HIBADH: variants seen among roughly 807,000 people sequenced by gnomAD.
HIBADH encodes the protein 3-hydroxyisobutyrate dehydrogenase, also known as 3-hydroxyisobutyrate dehydrogenase, mitochondrial.
HIBADH carries 25 observed loss-of-function variants against 36.1 expected under a neutral mutation model. The ratio of observed to expected loss-of-function variants is 0.69; its 90% confidence interval spans 0.50 to 0.97. The LOEUF is 0.97. Among genes scored for constraint, HIBADH ranks in the 50% least tolerant of loss-of-function variants. The probability of loss-of-function intolerance (pLI) is 0.00; values close to 1 mark genes in which losing one functional copy is unlikely to be tolerated. For missense variants in HIBADH, 421 were observed against 418.0 expected, an observed-to-expected ratio of 1.01 and a Z score of -0.06; for synonymous variants, 160 against 149.5, an observed-to-expected ratio of 1.07 and a Z score of -0.51.
chr7:27,559,174 T>C (rs1249252056), intron 4 of HIBADH, among the ~76,000 whole-genome samples: 2 of 152,202 alleles, frequency 1.3e-5, no homozygotes, highest in Non-Finnish European at 2.9e-5. Flanking sequence ...AGAACAATCA[T>C]ATTAAATTAA....
intron 4 of HIBADH, among the ~76,000 whole-genome samples, chr7:27,576,816 G>A (rs1319140663): frequency 6.6e-6 from 1 of 152,144 alleles, no homozygotes; most frequent in Non-Finnish European, 1.5e-5. Flanking sequence ...GGGGCTGGGT[G>A]TTTGGGGTAT....
chr7:27,620,163 T>G (rs1292554029), intron 4 of HIBADH, among the ~76,000 whole-genome samples: 1 of 151,884 alleles, frequency 6.6e-6, no homozygotes, highest in African/African-American at 2.4e-5. Context: ...CTACAAAACT[T>G]TTAAATTAGC....
intron 4 of HIBADH, among the ~76,000 whole-genome samples, chr7:27,558,390 C>T (rs1295800447): frequency 1.3e-5 from 2 of 152,106 alleles, no homozygotes; most frequent in Non-Finnish European, 2.9e-5. Flanking sequence ...TGTGGTGGTA[C>T]AATCTCGACT....
At chr7:27,618,027 G>C (rs1435689097) in intron 4 of HIBADH, among the ~76,000 whole-genome samples, 2 of 152,258 alleles carry the variant, frequency 1.3e-5, no homozygotes, top group African/African-American at 4.8e-5. Context: ...AGAGCTCCCT[G>C]TCTGGGGCTG....
rs1159211824 is a variant in HIBADH at position 27,662,828 on chromosome 7, T to C, written c.-40A>G. ...TCTCCCCGCGGTGACCTCCGCCGCC[T>C]CCCGGAGGGCCCACAGACTGCGAGC... is the stretch of plus-strand genomic sequence containing the variant. On this transcript the variant is annotated 5_prime_UTR_variant, in exon 1 of 8. Coordinates refer to ENST00000265395, the MANE Select transcript of HIBADH (RefSeq NM_152740.4). 6 of 1,412,042 alleles carry C rather than the reference T, an allele frequency of 4.2e-6. No individual in the cohort carries two copies. In the African/African-American group the frequency reaches 9.0e-5, roughly 21 times the overall value. 87.5% of individuals were successfully genotyped at this position (1,412,042 alleles called of 1,614,324 possible).
chr7:27,654,959 G>A (rs993080543), intron 1 of HIBADH, among the ~76,000 whole-genome samples: 2 of 152,104 alleles, frequency 1.3e-5, no homozygotes, highest in Non-Finnish European at 2.9e-5. Flanking sequence ...AGTTCTAGGA[G>A]CGCAGGCGTG....
intron 4 of HIBADH, among the ~76,000 whole-genome samples, chr7:27,580,765 T>C (rs191928716): frequency 6.6e-6 from 1 of 152,342 alleles, no homozygotes; most frequent in Admixed American, 6.5e-5. Context: ...GGAGTTTACA[T>C]TCTAGCAGAG....
At chr7:27,574,207 T>TGAAA in intron 4 of HIBADH, among the ~76,000 whole-genome samples, 1 of 150,896 alleles carries the variant, frequency 6.6e-6, no homozygotes, top group Non-Finnish European at 1.5e-5. Context: ...TCTTTAGAAA[T>TGAAA]TAGATAGTTG....
intron 4 of HIBADH, among the ~76,000 whole-genome samples, chr7:27,575,413 CAGAAAATAAGAAT>C (rs1280478034): frequency 6.6e-6 from 1 of 152,070 alleles, no homozygotes; most frequent in African/African-American, 2.4e-5. Context: ...AAAGAAGTAG[CAGAAAATAAGAAT>C]GGAAAAGTAA....
intron 4 of HIBADH, among the ~76,000 whole-genome samples, chr7:27,580,775 GT>G (rs1784776103): frequency 6.6e-6 from 1 of 152,202 alleles, no homozygotes; most frequent in African/African-American, 2.4e-5. Context: ...TTCTAGCAGA[GT>G]GGTTCTCAAT....
chr7:27,585,261 GTGTATGTA>G (rs35914219), intron 4 of HIBADH, among the ~76,000 whole-genome samples: 3 of 150,930 alleles, frequency 2.0e-5, no homozygotes, highest in Admixed American at 6.6e-5. Context: ...ATACACACGT[GTGTATGTA>G]TGTGTATGTA....
At chr7:27,577,312 C>T (rs1207024393) in intron 4 of HIBADH, among the ~76,000 whole-genome samples, 1 of 150,786 alleles carries the variant, frequency 6.6e-6, no homozygotes, top group East Asian at 2.0e-4. Flanking sequence ...TACAGGCATG[C>T]GCCACCACAC....
At chr7:27,643,283 T>C (rs1009068843) in intron 2 of HIBADH, among the ~76,000 whole-genome samples, 3 of 152,198 alleles carry the variant, frequency 2.0e-5, no homozygotes, top group Admixed American at 6.5e-5. Flanking sequence ...CAATAAAAAG[T>C]AACTTTTCTT....
chr7:27,625,201 C>T (rs116511973), intron 4 of HIBADH, among the ~76,000 whole-genome samples: 140 of 152,214 alleles, frequency 9.2e-4, no homozygotes, highest in African/African-American at 3.0e-3. Context: ...TGACATAAGG[C>T]TACACGTGTC....
chr7:27,583,014 A>G (rs1031001012), intron 4 of HIBADH, among the ~76,000 whole-genome samples: 5 of 152,148 alleles, frequency 3.3e-5, no homozygotes, highest in Non-Finnish European at 7.4e-5. Context: ...CCTAGTACTT[A>G]GTGTATAATC....
At chr7:27,545,964 T>C (rs1480477884) in intron 4 of HIBADH, among the ~76,000 whole-genome samples, 1 of 152,196 alleles carries the variant, frequency 6.6e-6, no homozygotes, top group Non-Finnish European at 1.5e-5. Context: ...TATATTTTGT[T>C]TTGGGGATGT....
chr7:27,606,100 T>C (rs1425949542), intron 4 of HIBADH, among the ~76,000 whole-genome samples: 1 of 152,010 alleles, frequency 6.6e-6, no homozygotes, highest in Non-Finnish European at 1.5e-5. Flanking sequence ...TTAAACATCA[T>C]AAAACATTTT....
At chr7:27,563,695 A>G (rs912098593) in intron 4 of HIBADH, among the ~76,000 whole-genome samples, 2 of 151,896 alleles carry the variant, frequency 1.3e-5, no homozygotes, top group Non-Finnish European at 2.9e-5. Flanking sequence ...CCAACCATGT[A>G]TTTTCTTTGG....
chr7:27,542,157 T>C (rs1784160414), intron 5 of HIBADH, among the ~76,000 whole-genome samples: 2 of 152,322 alleles, frequency 1.3e-5, no homozygotes, highest in Admixed American at 1.3e-4. Context: ...TTTTTCTTAA[T>C]GTTTTTGATA....
Sources: gnomAD v4.1 joint callset for allele counts (sites outside exome capture counted in the v4.1 genomes callset) on GRCh38, gnomAD v4.1.1 for gene constraint, MANE v1.5 for transcripts, NCBI Gene and HGNC (gene_info 2026-07-23, HGNC 2026-07-21) for gene names.